GLB1: variants seen among roughly 807,000 people sequenced by gnomAD.
The protein encoded by GLB1 is galactosidase beta 1.
In GLB1, 56 loss-of-function variants were observed where a neutral mutation model predicts 74.0. That is an observed-to-expected ratio of 0.76 (90% CI 0.61 to 0.94). The LOEUF is 0.94. Ranked by LOEUF, GLB1 falls within the 40% of genes least tolerant of loss-of-function variation. The pLI is 0.00. For synonymous variants in GLB1, 323 were observed against 323.6 expected, an observed-to-expected ratio of 1.00 and a Z score of 0.02; for missense variants, 787 against 845.5, an observed-to-expected ratio of 0.93 and a Z score of 0.86.
At chr3:32,999,111 G>T (rs974298832) in intron 15 of GLB1, among the ~76,000 whole-genome samples, 1 of 152,116 alleles carries the variant, frequency 6.6e-6, no homozygotes, top group Non-Finnish European at 1.5e-5. Context: ...CAAAAGAAGG[G>T]GGTCCGTGAT....
Position 33,068,927 on chromosome 3 carries a change from G to A in GLB1, c.289C>T (p.Gln97Ter), listed in dbSNP as rs1303769828. The change falls in exon 3 of 16, where the codon CAG becomes TAG. Residue 97 changes from glutamine (Q) to a stop codon, truncating the protein, a stop_gained. Transcript: ENST00000307363. LOFTEE classifies it high-confidence loss of function. ...TCCACATCATGGTCCTCAGAAAACT[G>A]GTACTGTCCTGGCCAGGGCTCATGA... is the stretch of plus-strand genomic sequence containing the variant. ...NFHEPWPGQY[Q>*]FSEDHDVEYF... 6.2e-7 allele frequency: 1 copy of A among 1,614,088 alleles called. No individual in the cohort carries two copies. The highest frequency in any genetic ancestry group is 1.3e-5 in the African/African-American group (1 of 75,008).
At chr3:33,035,614 T>C (rs1170906406) in intron 10 of GLB1, among the ~76,000 whole-genome samples, 2 of 152,134 alleles carry the variant, frequency 1.3e-5, no homozygotes, top group Non-Finnish European at 2.9e-5. Context: ...TAGCCCCCTT[T>C]TTGTAATTAA....
chr3:33,009,129 A>ATAAATAAATAAATAAAT (rs1384811644), intron 15 of GLB1, among the ~76,000 whole-genome samples: 4 of 148,520 alleles, frequency 2.7e-5, no homozygotes, highest in African/African-American at 9.8e-5. Context: ...TAAAAAATAA[A>ATAAATAAATAAATAAAT]TAAATAAATA....
At chr3:33,096,725 T>C (rs569187712) in intron 1 of GLB1, 2 of 1,265,716 alleles carry the variant, frequency 1.6e-6, no homozygotes, top group South Asian at 2.2e-5. Context: ...GCACCTCGTC[T>C]CAACACCTCG....
chr3:33,016,643 T>C (rs897084693), intron 14 of GLB1, 66 bp downstream of exon 14: 1 of 1,605,414 alleles, frequency 6.2e-7, no homozygotes, highest in African/African-American at 1.3e-5. Flanking sequence ...TGAGCCACTG[T>C]ACTGGGCTTC....
Position 33,031,611 on chromosome 3 carries a change from C to CAAAAAAAAAAA in GLB1, c.1069-7297_1069-7287dup. 9.1e-5 allele frequency among the ~76,000 whole-genome samples: 2 copies of CAAAAAAAAAAA among 22,060 alleles called. 1 individual carries two copies. The highest frequency in any genetic ancestry group is 1.5e-4 in the Non-Finnish European group (2 of 13,562). 14.5% of individuals were successfully genotyped at this position (22,060 alleles called of 152,430 possible). A position where few individuals can be genotyped will look rare whatever the true frequency, so the allele number is the denominator to read the frequency against. On this transcript the variant is annotated intron_variant, in intron 10 of 15. Transcript: ENST00000307363. ...TGGGTGACAGAGCAAGGCTCTGTCTCAAAAAAAAAAAAAAAAAAAAAAAAA... is the reference window on the plus strand; with the variant it reads ...TGGGTGACAGAGCAAGGCTCTGTCTCAAAAAAAAAAAAAAAAAAAAAAAAAAAAAAAAAAAA...
chr3:33,002,186 A>G (rs1384005865), intron 15 of GLB1, among the ~76,000 whole-genome samples: 1 of 152,178 alleles, frequency 6.6e-6, no homozygotes, highest in East Asian at 1.9e-4. Context: ...CTTTGCTGTA[A>G]TCACTAAGGC....
intron 5 of GLB1, among the ~76,000 whole-genome samples, chr3:33,063,724 T>C (rs1202331051): frequency 3.9e-5 from 6 of 152,120 alleles, no homozygotes; most frequent in Admixed American, 6.5e-5. Context: ...GACACAGCCA[T>C]GCAGAGCAAA....
chr3:33,025,192 G>A (rs1031938451), intron 10 of GLB1, among the ~76,000 whole-genome samples: 2 of 152,282 alleles, frequency 1.3e-5, no homozygotes, highest in African/African-American at 2.4e-5. Flanking sequence ...TGATCCGCCC[G>A]CCTCAGCCTC....
At chr3:33,085,295 CGA>C (rs928245972) in intron 1 of GLB1, among the ~76,000 whole-genome samples, 2 of 123,816 alleles carry the variant, frequency 1.6e-5, no homozygotes, top group African/African-American at 7.2e-5. Context: ...AAAAAAAAAG[CGA>C]GAGAGAGAGA....
chr3:33,093,352 T>G lies in GLB1; in HGVS notation c.75+3659A>C. On this transcript the variant is annotated intron_variant, in intron 1 of 15. Coordinates refer to ENST00000307363, the MANE Select transcript of GLB1 (RefSeq NM_000404.4). The surrounding 1 kb of genome is among the most constrained non-coding windows in gnomAD (Gnocchi z 6.0). ...GCAAACCAGTTGCTGACATCTGACG[T>G]GTAGTACTCATGATTGCCTGTGACG... 2 of 1,614,062 alleles carry G rather than the reference T, an allele frequency of 1.2e-6. No individual in the cohort carries two copies. The highest frequency in any genetic ancestry group is 1.7e-6 in the Non-Finnish European group (2 of 1,180,006).
intron 3 of GLB1, 89 bp downstream of exon 3, chr3:33,068,731 A>G (rs1699785775): frequency 1.2e-6 from 2 of 1,608,034 alleles, no homozygotes; most frequent in Non-Finnish European, 8.5e-7. Flanking sequence ...TGCTCTCTGG[A>G]ATGCAGGTCT....
At position 33,016,653 on chromosome 3, in the gene GLB1, C is replaced by T. The variant is rs181973764; in HGVS notation, c.1479+56G>A. 3,139 of 1,608,908 alleles carry T rather than the reference C, an allele frequency of 2.0e-3. 1 individual carries two copies. Among genetic ancestry groups the T allele is most frequent in the Non-Finnish European group, 2.6e-3 (3,001 of 1,176,586 alleles). The stretch of plus-strand genomic sequence containing the variant: ...AGGTGTGAGCCACTGTACTGGGCTT[C>T]AACTTCTAAGTTGTCACCCCTTAAA... On this transcript the variant is annotated intron_variant, in intron 14 of 15. Coordinates refer to ENST00000307363, the MANE Select transcript of GLB1 (RefSeq NM_000404.4).
Position 33,024,510 on chromosome 3 carries a change from G to A in GLB1, c.1069-185C>T, listed in dbSNP as rs201941335. 4.0e-5 allele frequency: 24 copies of A among 604,812 alleles called. No homozygotes were observed. The East Asian group carries it at 6.7e-4, about 17-fold the overall frequency. The allele number at this position is 604,812 out of a possible 1,614,324, so 37.5% of individuals were successfully genotyped here. A position where few individuals can be genotyped will look rare whatever the true frequency, so the allele number is the denominator to read the frequency against. ...TCTGGTAAATTTTTTACCTCTAAGT[G>A]TATGTCTGTGTTTTAAGCTTCAGGA... is the stretch of plus-strand genomic sequence containing the variant. On this transcript the variant is annotated intron_variant, in intron 10 of 15. Coordinates refer to ENST00000307363, the MANE Select transcript of GLB1 (RefSeq NM_000404.4).
chr3:33,040,302 TG>T (rs1442285878), intron 10 of GLB1, among the ~76,000 whole-genome samples: 1 of 152,220 alleles, frequency 6.6e-6, no homozygotes, highest in Non-Finnish European at 1.5e-5. Context: ...CCCTGGTACC[TG>T]CCAGAAGCAA....
chr3:32,974,624 T>C, the GLB1 span, among the ~76,000 whole-genome samples: 1 of 152,084 alleles, frequency 6.6e-6, no homozygotes, highest in South Asian at 2.1e-4. Flanking sequence ...CCAGCCTCAG[T>C]CCAAAGGCCT....
At chr3:32,964,983 G>A in the GLB1 span, among the ~76,000 whole-genome samples, 1 of 152,194 alleles carries the variant, frequency 6.6e-6, no homozygotes, top group Non-Finnish European at 1.5e-5. Flanking sequence ...TGTCATGTAA[G>A]ATGTGCCTTT....
chr3:33,085,559 G>A (rs182529124), intron 1 of GLB1, among the ~76,000 whole-genome samples: 18 of 151,924 alleles, frequency 1.2e-4, no homozygotes, highest in East Asian at 5.8e-4. Flanking sequence ...TGATATCAGC[G>A]GGTAGCAATC....
chr3:33,043,772 A>AAAGATACCTCAGAAAAATACCAAGCAT (rs1698609314), intron 10 of GLB1, among the ~76,000 whole-genome samples: 1 of 138,140 alleles, frequency 7.2e-6, no homozygotes, highest in Non-Finnish European at 1.6e-5. Flanking sequence ...CAGCATTGGG[A>AAAGATACCTCAGAAAAATACCAAGCAT]AAGATACCTC....
Sources: allele counts gnomAD v4.1 joint callset (sites outside exome capture counted in the v4.1 genomes callset), GRCh38; gene constraint gnomAD v4.1.1; non-coding constraint Gnocchi (gnomAD v3.1); transcripts MANE v1.5; gene names NCBI Gene and HGNC (gene_info 2026-07-23, HGNC 2026-07-21).